The following LRSAM1 variants were observed in gnomAD, a reference collection of about 807,000 sequenced individuals.
LRSAM1 encodes leucine rich repeat and sterile alpha motif containing 1, also known as E3 ubiquitin-protein ligase LRSAM1.
Under a neutral mutation model 118.1 loss-of-function variants are expected in LRSAM1, and 96 were observed. The observed-to-expected ratio is 0.81, with a 90% confidence interval of 0.69 to 0.96. The LOEUF (loss-of-function observed/expected upper bound fraction) is 0.96. Ranked by LOEUF, LRSAM1 falls within the 40% of genes least tolerant of loss-of-function variation. The pLI is 0.00. For synonymous variants in LRSAM1, 322 were observed against 364.2 expected (o/e 0.88, Z 1.32); for missense variants, 804 against 915.5 (o/e 0.88, Z 1.57).
intron 18 of LRSAM1, among the ~76,000 whole-genome samples, chr9:127,488,581 CT>C (rs960040215): frequency 6.9e-6 from 1 of 144,482 alleles, no homozygotes; most frequent in African/African-American, 2.6e-5. Context: ...TTTTATTTTC[CT>C]TTTTTTCTTT....
intron 8 of LRSAM1, among the ~76,000 whole-genome samples, chr9:127,461,579 G>A (rs923275277): frequency 1.3e-5 from 2 of 152,212 alleles, no homozygotes; most frequent in African/African-American, 2.4e-5. Flanking sequence ...CTAAGGAGCC[G>A]CAGTAAGGTT....
chr9:127,471,341 C>A (rs1256946908), intron 10 of LRSAM1, among the ~76,000 whole-genome samples: 3 of 151,706 alleles, frequency 2.0e-5, no homozygotes, highest in Admixed American at 2.0e-4. Flanking sequence ...AGCTTGGTGG[C>A]ACACCTGTAG....
intron 20 of LRSAM1, among the ~76,000 whole-genome samples, chr9:127,492,216 C>T (rs1263676946): frequency 2.6e-5 from 4 of 152,346 alleles, no homozygotes; most frequent in South Asian, 2.1e-4. Context: ...ATCAGGCCAT[C>T]GGAGAAGGCT....
At chr9:127,487,901 A>T in intron 18 of LRSAM1, 138 bp downstream of exon 18, 9 of 470,680 alleles carry the variant, frequency 1.9e-5, no homozygotes, top group Non-Finnish European at 2.3e-5. Flanking sequence ...GAGGTGTACA[A>T]GTGATCAGGG....
At chr9:127,493,047 C>T (rs1038571610) in intron 21 of LRSAM1, 150 bp downstream of exon 21, 15 of 744,800 alleles carry the variant, frequency 2.0e-5, no homozygotes, top group Non-Finnish European at 3.3e-5. Flanking sequence ...CATTTCCAAG[C>T]GTTATCTCCT....
At chr9:127,459,281 A>G (rs1217966628) in intron 7 of LRSAM1, among the ~76,000 whole-genome samples, 2 of 145,684 alleles carry the variant, frequency 1.4e-5, no homozygotes, top group African/African-American at 5.1e-5. Context: ...CAGTGGCGCC[A>G]TCAGAGTTGC....
chr9:127,500,023 G>T (rs374994721), intron 24 of LRSAM1, among the ~76,000 whole-genome samples: 10 of 151,930 alleles, frequency 6.6e-5, no homozygotes, highest in African/African-American at 2.4e-4. Context: ...AGGGAACGAG[G>T]GATAGAGTCA....
chr9:127,460,310 A>G (rs150253618), intron 7 of LRSAM1, among the ~76,000 whole-genome samples: 4 of 152,122 alleles, frequency 2.6e-5, no homozygotes, highest in African/African-American at 4.8e-5. Context: ...CATTGCATCT[A>G]TTTTTAATGG....
At chr9:127,481,632 C>T (rs1835542929) in intron 15 of LRSAM1, among the ~76,000 whole-genome samples, 1 of 152,198 alleles carries the variant, frequency 6.6e-6, no homozygotes, top group Admixed American at 6.5e-5. Context: ...TAAGGAGATT[C>T]ACCTCCTTAG....
At position 127,475,928 on chromosome 9, in the gene LRSAM1, C is replaced by G. The variant is rs962096170; in HGVS notation, c.750+1997C>G. 3.3e-5 allele frequency among the ~76,000 whole-genome samples: 5 copies of G among 152,036 alleles called. No homozygotes were observed. In the East Asian group the frequency reaches 9.7e-4, roughly 29 times the overall value. ...GCTAATTTTGTATTTTTAGTAGAGA[C>G]GGGGTTTCACCATGTTGGCCAGGCT... On this transcript the variant is annotated intron_variant, in intron 11 of 25. Coordinates refer to ENST00000300417, the MANE Select transcript of LRSAM1 (RefSeq NM_001005373.4).
intron 10 of LRSAM1, among the ~76,000 whole-genome samples, chr9:127,468,142 C>A (rs1389171226): frequency 6.6e-6 from 1 of 152,018 alleles, no homozygotes; most frequent in Non-Finnish European, 1.5e-5. Flanking sequence ...AGCTGTTCCG[C>A]CAGTAGGTGC....
At chr9:127,488,599 CTTTT>C (rs111724344) in intron 18 of LRSAM1, among the ~76,000 whole-genome samples, 2 of 143,514 alleles carry the variant, frequency 1.4e-5, no homozygotes, top group Non-Finnish European at 3.0e-5. Context: ...CTTTTCTTTT[CTTTT>C]TTTTTTTTTA....
chr9:127,468,571 C>G (rs1030739122), intron 10 of LRSAM1, among the ~76,000 whole-genome samples: 14 of 152,128 alleles, frequency 9.2e-5, no homozygotes, highest in African/African-American at 3.4e-4. Flanking sequence ...GAAGGATGGT[C>G]TTTTCAATAG....
chr9:127,459,933 T>A (rs141557726), intron 7 of LRSAM1, among the ~76,000 whole-genome samples: 409 of 152,328 alleles, frequency 2.7e-3, no homozygotes, highest in African/African-American at 9.4e-3. Context: ...ACTCATAGCA[T>A]CCTTTGGTTC....
At chr9:127,455,701 C>T in intron 5 of LRSAM1, 81 bp downstream of exon 5, 1 of 1,371,600 alleles carries the variant, frequency 7.3e-7, no homozygotes, top group East Asian at 2.3e-5. Context: ...GAGGAGCTGT[C>T]TTCCCGGCGT....
At chr9:127,466,497 TATATATA>T (rs200559623) in intron 9 of LRSAM1, among the ~76,000 whole-genome samples, 5,681 of 28,658 alleles carry the variant, frequency 0.2, 608 homozygotes, top group Non-Finnish European at 0.25. Flanking sequence ...TATATATATA[TATATATA>T]TTTTTTTTTT....
chr9:127,474,456 T>C (rs1835286951), intron 11 of LRSAM1, among the ~76,000 whole-genome samples: 1 of 151,920 alleles, frequency 6.6e-6, no homozygotes, highest in African/African-American at 2.4e-5. Context: ...AGTTTAAACA[T>C]TACATCCTCT....
rs1283453098 is a variant in LRSAM1, at chr9:127,498,317, G to A, written c.1912+983G>A. 2.6e-5 allele frequency among the ~76,000 whole-genome samples: 4 copies of A among 152,206 alleles called. No individual in the cohort carries two copies. The East Asian group carries it at 7.7e-4, about 29-fold the overall frequency. The stretch of plus-strand genomic sequence containing the variant: ...AAACTTCTTAGCTTTTTGATATCAA[G>A]TCATGTGCAGAATAGGCCCCTTCTG... On this transcript the variant is annotated intron_variant, in intron 24 of 25. Transcript: ENST00000300417.
rs1835260199 is a variant in LRSAM1 at position 127,473,853 on chromosome 9, G to A, written c.672G>A (p.Glu224=). Residue 224 remains glutamate (E), a synonymous_variant, in exon 11 of 26, where the codon GAG becomes GAA. Coordinates refer to ENST00000300417, the MANE Select transcript of LRSAM1 (RefSeq NM_001005373.4). The stretch of plus-strand genomic sequence containing the variant: ...CTCAGTACTTGCTGCCAATTCTGGA[G>A]CAAGATGGAATCGAGAACTCTCGGG... The part of the protein sequence containing the change: ...PPSQYLLPIL[E]QDGIENSRDS... 6.2e-7 allele frequency: 1 copy of A among 1,614,124 alleles called. No homozygotes were observed. The highest frequency in any genetic ancestry group is 1.1e-5 in the South Asian group (1 of 91,092).
Sources: allele counts gnomAD v4.1 joint callset (sites outside exome capture counted in the v4.1 genomes callset), GRCh38; gene constraint gnomAD v4.1.1; transcripts MANE v1.5; gene names NCBI Gene and HGNC (gene_info 2026-07-23, HGNC 2026-07-21).